COL4A1: variants seen among roughly 807,000 people sequenced by gnomAD.
The protein encoded by COL4A1 is collagen type IV alpha 1 chain.
In COL4A1, 40 loss-of-function variants were observed where a neutral mutation model predicts 216.6. That is an observed-to-expected ratio of 0.18 (90% CI 0.14 to 0.24). The LOEUF (loss-of-function observed/expected upper bound fraction) is 0.24. Among genes scored for constraint, COL4A1 ranks in the 10% least tolerant of loss-of-function variants. The pLI, the probability that COL4A1 is intolerant of heterozygous loss-of-function variation, is 1.00. For synonymous variants in COL4A1, 839 were observed against 810.7 expected, an observed-to-expected ratio of 1.03 and a Z score of -0.59; for missense variants, 1,628 against 2,196.8, an observed-to-expected ratio of 0.74 and a Z score of 5.18.
chr13:110,182,147 G>A (rs1367067518), intron 28 of COL4A1, among the ~76,000 whole-genome samples: 5 of 152,182 alleles, frequency 3.3e-5, no homozygotes, highest in South Asian at 2.1e-4. Flanking sequence ...AGGCCTCAGC[G>A]CCTGGCCCTC....
At position 110,246,586 on chromosome 13, in the gene COL4A1, G is replaced by C. The variant is rs368935994; in HGVS notation, c.85-3852C>G. On this transcript the variant is annotated intron_variant, in intron 1 of 51. Transcript: ENST00000375820. ...ATCATTTCCTGAGGAAATACACCTT[G>C]CATCTGGACTCCCAGAAAAATCTAA... Among the ~76,000 whole-genome samples, 16 of 152,322 alleles carry C rather than the reference G, an allele frequency of 1.1e-4. No individual in the cohort carries two copies. In the East Asian group the frequency reaches 2.5e-3, roughly 24 times the overall value.
At chr13:110,184,861 G>C (rs879858276) in intron 26 of COL4A1, among the ~76,000 whole-genome samples, 2 of 151,764 alleles carry the variant, frequency 1.3e-5, no homozygotes, top group Non-Finnish European at 2.9e-5. Context: ...CAGATGCCAG[G>C]GTTTCACCAT....
At chr13:110,167,446 C>T (rs540553094) in intron 43 of COL4A1, among the ~76,000 whole-genome samples, 28 of 152,286 alleles carry the variant, frequency 1.8e-4, no homozygotes, top group African/African-American at 6.7e-4. Context: ...TGTTTCCCTC[C>T]CATGTATCTC....
rs545766363 is a variant in COL4A1 at position 110,176,530 on chromosome 13, A to T, written c.2969-17T>A. The T allele has an allele frequency of 1.9e-6, 3 of 1,608,398 alleles. No individual in the cohort carries two copies. In the African/African-American group the frequency reaches 4.0e-5, roughly 21 times the overall value. ...CTTTAGGTCCTAGAACCATAAAGAAAGCAGTCTGACAGGTTGACATCTACA... is the reference window on the plus strand; with the variant it reads ...CTTTAGGTCCTAGAACCATAAAGAATGCAGTCTGACAGGTTGACATCTACA... On this transcript the variant is annotated splice_polypyrimidine_tract_variant and intron_variant, in intron 35 of 51. Coordinates refer to ENST00000375820, the MANE Select transcript of COL4A1 (RefSeq NM_001845.6).
At chr13:110,203,985 G>A (rs544159731) in intron 17 of COL4A1, among the ~76,000 whole-genome samples, 114 of 152,186 alleles carry the variant, frequency 7.5e-4, no homozygotes, top group Non-Finnish European at 1.3e-3. Context: ...TAATATAAAA[G>A]CATGATTTCC....
chr13:110,152,185 C>T (rs567434726), intron 51 of COL4A1, 149 bp downstream of exon 51: 177 of 1,268,634 alleles, frequency 1.4e-4, no homozygotes, highest in Admixed American at 2.5e-4. Context: ...AAAATCGTCT[C>T]GGTCATCTGC....
chr13:110,187,167 G>A lies in COL4A1; in HGVS notation c.1699C>T (p.Pro567Ser). ...RAGSPGRDGH[P>S]GLPGPKGSPG... ...GAGCCCTTGGGGCCAGGAAGACCCG[G>A]ATGGCCATCTCTTCCAGGAGAACCC... Residue 567 changes from proline to serine, a missense_variant, in exon 25 of 52, where the codon CCG (proline) becomes TCG (serine). Physicochemically the swap from Pro to Ser is moderately conservative, Grantham distance 74 (BLOSUM62 -1). This residue lies in a region of COL4A1 where 701 missense variants were observed against 892.5 expected (regional missense o/e 0.79). Transcript: ENST00000375820. 1 of 1,614,032 alleles carries A rather than the reference G, an allele frequency of 6.2e-7. No homozygotes were observed. The highest frequency in any genetic ancestry group is 8.5e-7 in the Non-Finnish European group (1 of 1,179,934).
chr13:110,270,364 A>G (rs545824791), intron 1 of COL4A1, among the ~76,000 whole-genome samples: 1 of 152,344 alleles, frequency 6.6e-6, no homozygotes, highest in African/African-American at 2.4e-5. Flanking sequence ...TAAGAGGAGA[A>G]TTATTCAAAT....
chr13:110,207,339 C>T lies in COL4A1; in HGVS notation c.780+64G>A. The T allele has an allele frequency of 7.1e-7, 1 of 1,412,796 alleles. No homozygotes were observed. Among genetic ancestry groups the T allele is most frequent in the Admixed American group, 1.7e-5 (1 of 59,678 alleles). 87.5% of individuals were successfully genotyped at this position (1,412,796 alleles called of 1,614,324 possible). On this transcript the variant is annotated intron_variant, in intron 13 of 51. Transcript: ENST00000375820. The surrounding 1 kb of genome is among the most constrained non-coding windows in gnomAD (Gnocchi z 4.4). ...AAAACTGAGTTTTGACCCATTTTCT[C>T]TTTATCTTTTGGAATTTGTCCAAAA...
In COL4A1 at chr13:110,253,461, TTAC is replaced by T. The variant is rs58843901; in HGVS notation, c.85-10730_85-10728del. Among the ~76,000 whole-genome samples, 4 of 40,386 alleles carry T rather than the reference TTAC, an allele frequency of 9.9e-5. 1 individual carries two copies. Among genetic ancestry groups the T allele is most frequent in the East Asian group, 5.2e-4 (1 of 1,918 alleles). 26.5% of individuals were successfully genotyped at this position (40,386 alleles called of 152,430 possible). A position where few individuals can be genotyped will look rare whatever the true frequency, so the allele number is the denominator to read the frequency against. ...TTACATATACATATAATTATATGTA[TTAC>T]ATATACATATAATTATATGTATTAT... On this transcript the variant is annotated intron_variant, in intron 1 of 51. Transcript: ENST00000375820.
intron 22 of COL4A1, among the ~76,000 whole-genome samples, 167 bp downstream of exon 22, chr13:110,194,856 T>C (rs1330337176): frequency 6.6e-6 from 1 of 152,046 alleles, no homozygotes; most frequent in Non-Finnish European, 1.5e-5. Flanking sequence ...TCAACTAAGT[T>C]CCGGAAGATG....
chr13:110,234,602 C>A (rs592103), intron 2 of COL4A1, among the ~76,000 whole-genome samples: 151,335 of 152,168 alleles, frequency 0.99, 75,255 homozygotes, highest in Middle Eastern at 1. Flanking sequence ...AAGAAAAAAA[C>A]AGGGGGGCGT....
chr13:110,216,754 C>A (rs73611489), intron 2 of COL4A1, among the ~76,000 whole-genome samples: 2,831 of 152,248 alleles, frequency 0.019, 79 homozygotes, highest in African/African-American at 0.066. Flanking sequence ...CGGTTCCCAG[C>A]AGAACATCAA....
chr13:110,200,989 G>A lies in COL4A1; in HGVS notation c.1085-100C>T, dbSNP rs138955470. Reference sequence around the variant, plus strand: ...AAAGCCTTGCTTGGTGCATTGGTAAGTGTCCATGGCCAAAGGGAACGTAGA... The same window carrying A: ...AAAGCCTTGCTTGGTGCATTGGTAAATGTCCATGGCCAAAGGGAACGTAGA... On this transcript the variant is annotated intron_variant, in intron 19 of 51. Coordinates refer to ENST00000375820, the MANE Select transcript of COL4A1 (RefSeq NM_001845.6). The A allele has an allele frequency of 1.6e-4, 208 of 1,317,698 alleles. 1 individual carries two copies. The African/African-American group carries it at 2.7e-3, about 17-fold the overall frequency. The allele number at this position is 1,317,698 out of a possible 1,614,324, so 81.6% of individuals were successfully genotyped here. A position where few individuals can be genotyped will look rare whatever the true frequency, so the allele number is the denominator to read the frequency against.
At chr13:110,204,757 G>T (rs1566372486) in intron 17 of COL4A1, among the ~76,000 whole-genome samples, 2 of 151,780 alleles carry the variant, frequency 1.3e-5, no homozygotes, top group Admixed American at 6.6e-5. Flanking sequence ...ACAAGTGTCT[G>T]ACTGTGGACC....
chr13:110,213,474 G>A (rs1190831299), intron 4 of COL4A1, among the ~76,000 whole-genome samples: 1 of 152,008 alleles, frequency 6.6e-6, no homozygotes, highest in Non-Finnish European at 1.5e-5. Flanking sequence ...ATCATCAATT[G>A]CCCCTTCCCC....
At chr13:110,262,448 G>A (rs922944937) in intron 1 of COL4A1, among the ~76,000 whole-genome samples, 3 of 152,238 alleles carry the variant, frequency 2.0e-5, no homozygotes, top group African/African-American at 7.2e-5. Flanking sequence ...GAGCAAATCA[G>A]AAGGCAAAAG....
At chr13:110,197,343 A>G (rs979870272) in intron 21 of COL4A1, among the ~76,000 whole-genome samples, 4 of 151,978 alleles carry the variant, frequency 2.6e-5, no homozygotes, top group African/African-American at 9.7e-5. Context: ...GCTCCAGGAC[A>G]GCAGGATCTG....
intron 1 of COL4A1, among the ~76,000 whole-genome samples, chr13:110,253,482 T>C (rs12428406): frequency 0.014 from 742 of 52,612 alleles, 153 homozygotes; most frequent in African/African-American, 0.025. Flanking sequence ...TATAATTATA[T>C]GTATTATATA....
Sources: gnomAD v4.1 joint callset for allele counts (sites outside exome capture counted in the v4.1 genomes callset) on GRCh38, gnomAD v4.1.1 for gene constraint, gnomAD v4.1.1 regional missense constraint, Gnocchi (gnomAD v3.1) non-coding constraint, MANE v1.5 for transcripts, NCBI Gene and HGNC (gene_info 2026-07-23, HGNC 2026-07-21) for gene names.